The following ANKFN1 variants were observed in gnomAD, a reference collection of about 807,000 sequenced individuals.
ANKFN1 encodes the protein ankyrin repeat and fibronectin type III domain containing 1, also known as ankyrin repeat and fibronectin type-III domain-containing protein 1.
Under a neutral mutation model 108.7 loss-of-function variants are expected in ANKFN1, and 74 were observed. That is an observed-to-expected ratio of 0.68 (90% CI 0.56 to 0.83). ANKFN1 has a LOEUF of 0.83. Among genes scored for constraint, ANKFN1 ranks in the 40% least tolerant of loss-of-function variants. The pLI is 0.00. For missense variants in ANKFN1, 1,505 were observed against 1,382.3 expected, an observed-to-expected ratio of 1.09 and a Z score of -1.41; for synonymous variants, 547 against 516.2, an observed-to-expected ratio of 1.06 and a Z score of -0.81.
intron 19 of ANKFN1, among the ~76,000 whole-genome samples, chr17:56,496,085 A>G (rs1188677808): frequency 6.6e-6 from 1 of 152,126 alleles, no homozygotes; most frequent in Admixed American, 6.6e-5. Flanking sequence ...GATCAGCAGT[A>G]TAAGGTAAAA....
chr17:56,056,169 G>A (rs942340427), intron 4 of ANKFN1, among the ~76,000 whole-genome samples: 17 of 151,884 alleles, frequency 1.1e-4, no homozygotes, highest in African/African-American at 4.1e-4. Context: ...CTTCCATTCT[G>A]TTGGTTGGTT....
chr17:56,423,996 T>TACTATTAA (rs1267406805), intron 8 of ANKFN1, among the ~76,000 whole-genome samples: 67 of 152,216 alleles, frequency 4.4e-4, no homozygotes, highest in African/African-American at 1.6e-3. Flanking sequence ...TAAAATGCAG[T>TACTATTAA]AATTACTATT....
intron 3 of ANKFN1, among the ~76,000 whole-genome samples, chr17:56,241,715 A>C (rs182387073): frequency 6.6e-6 from 1 of 152,272 alleles, no homozygotes; most frequent in East Asian, 1.9e-4. Context: ...ACTTAGGTAC[A>C]GTAAGAGATT....
chr17:56,282,165 AAAC>A (rs1226827567), intron 3 of ANKFN1, among the ~76,000 whole-genome samples: 1 of 152,222 alleles, frequency 6.6e-6, no homozygotes, highest in African/African-American at 2.4e-5. Context: ...CTACTAATAC[AAAC>A]AACAGCATGG....
At chr17:56,281,771 G>T (rs1031584847) in intron 3 of ANKFN1, among the ~76,000 whole-genome samples, 1 of 152,088 alleles carries the variant, frequency 6.6e-6, no homozygotes, top group Admixed American at 6.5e-5. Context: ...TCAAGGAAAT[G>T]CAAATTAACA....
At chr17:56,482,658 G>T (rs1009778493) in intron 18 of ANKFN1, 134 bp downstream of exon 18, 2 of 1,101,346 alleles carry the variant, frequency 1.8e-6, no homozygotes, top group Non-Finnish European at 2.6e-6. Context: ...ACCCTTCCTA[G>T]AACTGTGTAC....
In ANKFN1 at chr17:56,086,266, G is replaced by A. The variant is rs1197053194; in HGVS notation, c.288+39941G>A. On this transcript the variant is annotated intron_variant, in intron 4 of 12. Transcript: ENST00000635860. The stretch of plus-strand genomic sequence containing the variant: ...CTAAAAATACAAAAATTAGCCTGAT[G>A]TAGCAGCAAGTGCTTGTAATTCCAG... 1.3e-5 allele frequency among the ~76,000 whole-genome samples: 2 copies of A among 150,710 alleles called. 1 individual carries two copies. Among genetic ancestry groups the A allele is most frequent in the Non-Finnish European group, 3.0e-5 (2 of 67,564 alleles).
intron 3 of ANKFN1, among the ~76,000 whole-genome samples, chr17:56,305,842 G>A (rs985352368): frequency 5.9e-5 from 9 of 152,098 alleles, no homozygotes; most frequent in Non-Finnish European, 1.0e-4. Context: ...TTAAGTTGAG[G>A]GTTGTTTTTT....
At chr17:56,220,864 A>AGGG (rs1567846202) in intron 2 of ANKFN1, among the ~76,000 whole-genome samples, 1 of 18,102 alleles carries the variant, frequency 5.5e-5, no homozygotes, top group African/African-American at 3.0e-4. Flanking sequence ...GGAAGGAAGG[A>AGGG]AGGAAGGGAG....
chr17:56,065,987 A>G (rs752614), intron 4 of ANKFN1, among the ~76,000 whole-genome samples: 124,634 of 151,708 alleles, frequency 0.82, 51,863 homozygotes, highest in African/African-American at 0.95. Flanking sequence ...GAAGCAACAA[A>G]ATTAGGTATG....
At position 56,113,305 on chromosome 17, in the gene ANKFN1, A is replaced by G. The variant is rs189592771; in HGVS notation, c.288+66980A>G. On this transcript the variant is annotated intron_variant, in intron 4 of 12. Coordinates refer to the ANKFN1 transcript ENST00000635860. ...CCTTCAGATGAAACAAAATATAGTC[A>G]TTGAGAACTGTACAGAACCCAAAAA... is the stretch of plus-strand genomic sequence containing the variant. 2.0e-5 allele frequency among the ~76,000 whole-genome samples: 3 copies of G among 152,318 alleles called. No individual in the cohort carries two copies. The East Asian group carries it at 5.8e-4, about 29-fold the overall frequency.
At chr17:56,391,874 A>G (rs1222487059) in intron 8 of ANKFN1, among the ~76,000 whole-genome samples, 1 of 152,178 alleles carries the variant, frequency 6.6e-6, no homozygotes, top group African/African-American at 2.4e-5. Context: ...TATTCCTAGC[A>G]TAGGACATAC....
At chr17:56,269,186 C>T (rs2043729846) in intron 3 of ANKFN1, among the ~76,000 whole-genome samples, 1 of 152,146 alleles carries the variant, frequency 6.6e-6, no homozygotes, top group Admixed American at 6.6e-5. Context: ...AACCAGAAGC[C>T]ATGCTGACTT....
chr17:56,377,612 G>A (rs376227184), intron 8 of ANKFN1, among the ~76,000 whole-genome samples: 23 of 152,118 alleles, frequency 1.5e-4, no homozygotes, highest in East Asian at 3.9e-4. Flanking sequence ...CAGATGCTTC[G>A]ATGCTTTGGA....
intron 14 of ANKFN1, among the ~76,000 whole-genome samples, chr17:56,461,121 G>A (rs934497325): frequency 1.3e-5 from 2 of 152,160 alleles, no homozygotes; most frequent in South Asian, 2.1e-4. Context: ...AGCATTTCTC[G>A]CAAACTTTCT....
chr17:56,482,094 A>G (rs920408803), intron 17 of ANKFN1, among the ~76,000 whole-genome samples: 3 of 152,186 alleles, frequency 2.0e-5, no homozygotes, highest in African/African-American at 7.2e-5. Flanking sequence ...CATCATTTTG[A>G]AAAGCCCACA....
chr17:56,193,521 GT>G (rs1567828981), intron 1 of ANKFN1, among the ~76,000 whole-genome samples: 4 of 141,868 alleles, frequency 2.8e-5, no homozygotes, highest in African/African-American at 8.0e-5. Context: ...TATTTGTAGC[GT>G]TTTAAAAAAA....
chr17:56,153,343 TA>T, upstream of ANKFN1: 1 of 742,588 alleles, frequency 1.3e-6, no homozygotes, highest in Non-Finnish European at 2.3e-6. Flanking sequence ...CCCTGCACTG[TA>T]ATCTGGACAC....
At chr17:56,085,158 G>A (rs1413868391) in intron 4 of ANKFN1, among the ~76,000 whole-genome samples, 1 of 137,358 alleles carries the variant, frequency 7.3e-6, no homozygotes, top group African/African-American at 2.8e-5. Flanking sequence ...TTATTTCTCT[G>A]GTTAAATGTT....
Sources: allele counts gnomAD v4.1 joint callset (sites outside exome capture counted in the v4.1 genomes callset), GRCh38; gene constraint gnomAD v4.1.1; transcripts MANE v1.5; gene names NCBI Gene and HGNC (gene_info 2026-07-23, HGNC 2026-07-21).